Variants in SYT16 observed in about 807,000 individuals in gnomAD.
SYT16 encodes the protein synaptotagmin-16.
Under a neutral mutation model 61.4 loss-of-function variants are expected in SYT16, and 42 were observed. That is an observed-to-expected ratio of 0.68 (90% CI 0.53 to 0.89). The LOEUF (loss-of-function observed/expected upper bound fraction) is 0.89, where lower values mean the gene tolerates loss of function less well. Ranked by LOEUF, SYT16 falls within the 40% of genes least tolerant of loss-of-function variation. The pLI is 0.00. For missense variants in SYT16, 804 were observed against 807.3 expected (o/e 1.00, Z 0.05); for synonymous variants, 314 against 302.3 (o/e 1.04, Z -0.40).
chr14:62,083,984 C>T (rs1203711411), intron 6 of SYT16, among the ~76,000 whole-genome samples: 1 of 152,164 alleles, frequency 6.6e-6, no homozygotes, highest in African/African-American at 2.4e-5. Flanking sequence ...ATGGAGACAG[C>T]TCTTGAAACA....
chr14:62,022,043 C>CTT (rs56923888), intron 3 of SYT16, among the ~76,000 whole-genome samples: 7 of 142,256 alleles, frequency 4.9e-5, no homozygotes, highest in Non-Finnish European at 6.2e-5. Context: ...TCTTCTTTTT[C>CTT]TTTTTTTTTT....
chr14:62,110,345 A>C lies in SYT16; in HGVS notation c.*9638A>C, dbSNP rs1012190943. ...GTGGTTGTAGGAACAGGATTCATTC[A>C]TTCCTTCATTAATATAATGAACACT... On this transcript the variant is annotated 3_prime_UTR_variant, in exon 8 of 8. Transcript: ENST00000683842. The C allele has an allele frequency of 1.3e-5, 2 of 152,056 alleles. No individual in the cohort carries two copies. Among genetic ancestry groups the C allele is most frequent in the Non-Finnish European group, 2.9e-5 (2 of 67,990 alleles). 9.4% of individuals were successfully genotyped at this position (152,056 alleles called of 1,614,324 possible). A position where few individuals can be genotyped will look rare whatever the true frequency, so the allele number is the denominator to read the frequency against.
chr14:62,005,814 C>G (rs780977164), intron 3 of SYT16, among the ~76,000 whole-genome samples: 23 of 152,166 alleles, frequency 1.5e-4, no homozygotes, highest in Non-Finnish European at 2.9e-4. Flanking sequence ...CAGGCCTCTC[C>G]TTCAGACTGT....
chr14:62,060,511 ATT>A (rs3079201), intron 3 of SYT16, among the ~76,000 whole-genome samples: 33,303 of 148,670 alleles, frequency 0.22, 7,857 homozygotes, highest in African/African-American at 0.6. Context: ...GGATGGTGAA[ATT>A]TTTTTTTTTT....
chr14:61,853,636 T>C (rs1178259718), intron 1 of SYT16, among the ~76,000 whole-genome samples: 1 of 152,228 alleles, frequency 6.6e-6, no homozygotes, highest in East Asian at 1.9e-4. Context: ...ATCTTGGAAC[T>C]TTCCAGACTC....
At chr14:61,880,567 C>T (rs983503520) in intron 1 of SYT16, among the ~76,000 whole-genome samples, 5 of 152,184 alleles carry the variant, frequency 3.3e-5, no homozygotes, top group Admixed American at 3.3e-4. Context: ...AGAATTAAAT[C>T]ACTGCAAAAT....
At chr14:61,821,825 C>T (rs1312056816) in intron 1 of SYT16, among the ~76,000 whole-genome samples, 2 of 152,208 alleles carry the variant, frequency 1.3e-5, no homozygotes, top group Non-Finnish European at 1.5e-5. Context: ...TAGAGTCTGT[C>T]TGCTATACTC....
chr14:61,918,108 T>C (rs2049188501), intron 1 of SYT16, among the ~76,000 whole-genome samples: 1 of 152,162 alleles, frequency 6.6e-6, no homozygotes, highest in Non-Finnish European at 1.5e-5. Context: ...TAAGGAATCA[T>C]AAGGTATGGA....
chr14:61,850,838 G>A (rs1275878568), intron 1 of SYT16, among the ~76,000 whole-genome samples: 1 of 152,132 alleles, frequency 6.6e-6, no homozygotes. Flanking sequence ...AAGGGTTAAG[G>A]GGATGAATTG....
In SYT16 at chr14:61,835,564, C is replaced by CT. The variant is rs371587159; in HGVS notation, c.-325+22765dup. The stretch of plus-strand genomic sequence containing the variant: ...TGAGCCACTGCGCCCGGCCAGGTGA[C>CT]TTTTTTTTTTTATGATTGATTTTAT... On this transcript the variant is annotated intron_variant, in intron 1 of 7. Coordinates refer to ENST00000683842, the MANE Select transcript of SYT16 (RefSeq NM_001367656.1). Among the ~76,000 whole-genome samples, 342 of 144,994 alleles carry CT rather than the reference C, an allele frequency of 2.4e-3. 3 individuals are homozygous for CT. The highest frequency in any genetic ancestry group is 4.6e-3 in the African/African-American group (182 of 39,870).
intron 1 of SYT16, among the ~76,000 whole-genome samples, chr14:61,919,026 T>C (rs1245772741): frequency 6.6e-6 from 1 of 152,212 alleles, no homozygotes; most frequent in Non-Finnish European, 1.5e-5. Flanking sequence ...GTCTTAAAAG[T>C]TCCTGACTCT....
At position 62,097,026 on chromosome 14, in the gene SYT16, T is replaced by G. The variant is rs78483812; in HGVS notation, c.1625-3368T>G. 2.0e-3 allele frequency among the ~76,000 whole-genome samples: 305 copies of G among 152,282 alleles called. 17 individuals carry two copies. The East Asian group carries it at 0.054, about 27-fold the overall frequency. Reference sequence around the variant, plus strand: ...TCTGACCCCTAGGCCAAGGCTCAGCTCAGCAATTCGTAGAAAATTATGCTG... The same window carrying G: ...TCTGACCCCTAGGCCAAGGCTCAGCGCAGCAATTCGTAGAAAATTATGCTG... On this transcript the variant is annotated intron_variant, in intron 7 of 7. Coordinates refer to ENST00000683842, the MANE Select transcript of SYT16 (RefSeq NM_001367656.1).
chr14:62,093,816 G>A (rs1470302230), intron 7 of SYT16, among the ~76,000 whole-genome samples: 1 of 152,130 alleles, frequency 6.6e-6, no homozygotes, highest in Non-Finnish European at 1.5e-5. Context: ...ATGTGTAATA[G>A]AAGATGTATT....
At chr14:61,830,415 G>C (rs1178138083) in intron 1 of SYT16, among the ~76,000 whole-genome samples, 1 of 152,174 alleles carries the variant, frequency 6.6e-6, no homozygotes, top group Non-Finnish European at 1.5e-5. Context: ...CTTGAATGTC[G>C]ATTTAGTTTT....
At chr14:61,880,183 T>A (rs1227074118) in intron 1 of SYT16, among the ~76,000 whole-genome samples, 1 of 152,230 alleles carries the variant, frequency 6.6e-6, no homozygotes, top group Non-Finnish European at 1.5e-5. Flanking sequence ...AATGATAGTT[T>A]CCATTTGTTG....
rs374789658 is a variant in SYT16, at chr14:61,827,785, AAT to A, written c.-325+14978_-325+14979del. Among the ~76,000 whole-genome samples the A allele has an allele frequency of 3.9e-3, 587 of 152,292 alleles. 7 individuals are homozygous for A. Among genetic ancestry groups the A allele is most frequent in the African/African-American group, 0.013 (543 of 41,558 alleles). On this transcript the variant is annotated intron_variant, in intron 1 of 7. Coordinates refer to ENST00000683842, the MANE Select transcript of SYT16 (RefSeq NM_001367656.1). ...ACTGAACTTCTGTCTACTTAGAATC[AAT>A]ATTTCACCACTTCAGTGGAATATAT...
At chr14:62,070,302 T>C (rs904690740) in intron 4 of SYT16, among the ~76,000 whole-genome samples, 6 of 152,234 alleles carry the variant, frequency 3.9e-5, no homozygotes. Context: ...GGTATTTTTA[T>C]CTTTCAAATA....
intron 7 of SYT16, among the ~76,000 whole-genome samples, chr14:62,097,389 A>G (rs766152529): frequency 1.3e-5 from 2 of 152,186 alleles, no homozygotes; most frequent in Non-Finnish European, 2.9e-5. Flanking sequence ...ACCAGTTTCC[A>G]AAGATTAAAA....
Position 61,943,704 on chromosome 14 carries a change from G to A in SYT16, c.-324-26428G>A, listed in dbSNP as rs187492838. Among the ~76,000 whole-genome samples the A allele has an allele frequency of 3.3e-5, 5 of 152,148 alleles. No homozygotes were observed. The East Asian group carries it at 5.8e-4, about 18-fold the overall frequency. ...ATACCCCTTCATGCTAAAAACTCTC[G>A]ATAAATTAGGCATTGATGGAATGAA... On this transcript the variant is annotated intron_variant, in intron 1 of 7. Transcript: ENST00000683842.
Sources: gnomAD v4.1 joint callset for allele counts (sites outside exome capture counted in the v4.1 genomes callset) on GRCh38, gnomAD v4.1.1 for gene constraint, MANE v1.5 for transcripts, NCBI Gene and HGNC (gene_info 2026-07-23, HGNC 2026-07-21) for gene names.